The following NEK6 variants were observed in gnomAD, a reference collection of about 807,000 sequenced individuals.
NEK6 encodes NIMA related kinase 6.
A neutral mutation model predicts 43.5 loss-of-function variants in NEK6; 27 were observed. That is an observed-to-expected ratio of 0.62 (90% confidence interval 0.46 to 0.86). The LOEUF is 0.86. NEK6 is among the 40% of genes least tolerant of loss of function. The pLI, the probability that NEK6 is intolerant of heterozygous loss-of-function variation, is 0.00. For missense variants in NEK6, 318 were observed against 414.4 expected (o/e 0.77, Z 2.02); for synonymous variants, 167 against 164.1 (o/e 1.02, Z -0.14).
intron 1 of NEK6, among the ~76,000 whole-genome samples, chr9:124,294,724 G>A (rs958439500): frequency 2.0e-5 from 3 of 152,222 alleles, no homozygotes; most frequent in African/African-American, 4.8e-5. Context: ...GCAGGCTCGT[G>A]TCAGGTGGTC....
rs531845465 is a variant in NEK6, at chr9:124,291,916, G to T, written c.-29-10020G>T. ...GAGTTTCCTTTTGGCGGTGTCTGGG[G>T]ACCGGAGTCTTGGGAAGGGGAAGTC... On this transcript the variant is annotated intron_variant, in intron 1 of 9. Coordinates refer to ENST00000320246, the MANE Select transcript of NEK6 (RefSeq NM_014397.6). 4.4e-4 allele frequency: 431 copies of T among 985,710 alleles called. 1 individual carries two copies. In the African/African-American group the frequency reaches 7.2e-3, roughly 17 times the overall value. The allele number at this position is 985,710 out of a possible 1,614,324, so 61.1% of individuals were successfully genotyped here.
chr9:124,303,817 A>T (rs1833117893), intron 2 of NEK6, among the ~76,000 whole-genome samples: 1 of 152,236 alleles, frequency 6.6e-6, no homozygotes, highest in East Asian at 1.9e-4. Flanking sequence ...AATTTGTCAT[A>T]TTAAGTCATT....
At chr9:124,332,646 T>A (rs73666863) in intron 7 of NEK6, among the ~76,000 whole-genome samples, 2,808 of 152,310 alleles carry the variant, frequency 0.018, 75 homozygotes, top group African/African-American at 0.064. Context: ...GACACCAGCC[T>A]CCCCTTCCTG....
At chr9:124,273,260 C>T (rs560426465) in intron 1 of NEK6, among the ~76,000 whole-genome samples, 1 of 152,326 alleles carries the variant, frequency 6.6e-6, no homozygotes, top group South Asian at 2.1e-4. Flanking sequence ...TGTCTGCCAT[C>T]ATCCATGGTG....
chr9:124,296,047 T>A (rs114586232), intron 1 of NEK6, among the ~76,000 whole-genome samples: 3,281 of 152,358 alleles, frequency 0.022, 50 homozygotes, highest in South Asian at 0.079. Flanking sequence ...GCCAGTGCAG[T>A]GAGCTGTCCT....
At chr9:124,294,010 T>A (rs1832556839) in intron 1 of NEK6, among the ~76,000 whole-genome samples, 1 of 152,204 alleles carries the variant, frequency 6.6e-6, no homozygotes, top group Non-Finnish European at 1.5e-5. Context: ...TGTTCCTTTT[T>A]GTGGATGGGG....
At chr9:124,322,109 G>C (rs1425123531) in intron 5 of NEK6, among the ~76,000 whole-genome samples, 2 of 152,192 alleles carry the variant, frequency 1.3e-5, no homozygotes, top group Non-Finnish European at 2.9e-5. Context: ...CAGCATTGTG[G>C]GTACAGAGCC....
chr9:124,328,567 C>T (rs1422948905), intron 7 of NEK6, among the ~76,000 whole-genome samples: 3 of 152,210 alleles, frequency 2.0e-5, no homozygotes, highest in Non-Finnish European at 4.4e-5. Flanking sequence ...ATTTCCACCC[C>T]ACTCCATGGC....
intron 4 of NEK6, among the ~76,000 whole-genome samples, chr9:124,316,795 C>T (rs1001968191): frequency 6.6e-6 from 1 of 152,248 alleles, no homozygotes; most frequent in African/African-American, 2.4e-5. Flanking sequence ...ACCCCCTGCC[C>T]TCAGACGTGC....
intron 1 of NEK6, among the ~76,000 whole-genome samples, chr9:124,273,534 G>A (rs1831532284): frequency 6.6e-6 from 1 of 152,158 alleles, no homozygotes; most frequent in Non-Finnish European, 1.5e-5. Flanking sequence ...TCCTGGGACC[G>A]ACAGCCAGGG....
intron 1 of NEK6, among the ~76,000 whole-genome samples, chr9:124,263,936 G>A (rs953044258): frequency 2.6e-5 from 4 of 152,258 alleles, no homozygotes; most frequent in African/African-American, 7.2e-5. Context: ...CCTGAGAGCT[G>A]TGTCAGCCAC....
chr9:124,265,468 G>A (rs897097334), intron 1 of NEK6: 1 of 152,122 alleles, frequency 6.6e-6, no homozygotes, highest in African/African-American at 2.4e-5. Flanking sequence ...GTTGCAGTGA[G>A]CCGAGATGGC....
intron 7 of NEK6, among the ~76,000 whole-genome samples, chr9:124,336,273 T>A (rs538969742): frequency 6.6e-6 from 1 of 152,170 alleles, no homozygotes; most frequent in Admixed American, 6.5e-5. Context: ...AAAACAAGAA[T>A]ATAATCAAGT....
At chr9:124,349,204 T>C (rs1247410051) in intron 9 of NEK6, among the ~76,000 whole-genome samples, 1 of 152,248 alleles carries the variant, frequency 6.6e-6, no homozygotes. Flanking sequence ...ACCTGCACTT[T>C]TGGAGGAAGT....
chr9:124,327,849 GAGGCT>G (rs1438895954), intron 7 of NEK6, among the ~76,000 whole-genome samples: 2 of 152,188 alleles, frequency 1.3e-5, no homozygotes, highest in Non-Finnish European at 2.9e-5. Context: ...TGGCGGTTTT[GAGGCT>G]GTGGGGACCA....
At position 124,319,070 on chromosome 9, in the gene NEK6, C is replaced by T. The variant is rs188632777; in HGVS notation, c.295-2389C>T. On this transcript the variant is annotated intron_variant, in intron 4 of 9. Coordinates refer to ENST00000320246, the MANE Select transcript of NEK6 (RefSeq NM_014397.6). ...CACAATCTCAGCTCACTGCAACCTC[C>T]GCCTCCCAGGTTCAAGCGATTCTCC... is the stretch of plus-strand genomic sequence containing the variant. Among the ~76,000 whole-genome samples the T allele has an allele frequency of 4.6e-5, 7 of 152,274 alleles. No homozygotes were observed. In the East Asian group the frequency reaches 7.7e-4, roughly 17 times the overall value.
intron 9 of NEK6, 28 bp from the exon 10 acceptor site, chr9:124,350,809 G>A (rs375125975): frequency 4.1e-5 from 64 of 1,549,878 alleles, no homozygotes; most frequent in Non-Finnish European, 5.6e-5. Context: ...GCTTTCTTGA[G>A]AATAACACAC....
At chr9:124,321,659 C>A in intron 5 of NEK6, 90 bp downstream of exon 5, 1 of 882,886 alleles carries the variant, frequency 1.1e-6, no homozygotes, top group South Asian at 1.5e-5. Flanking sequence ...CCACAATGCT[C>A]TGCCTTTAGC....
At chr9:124,261,690 G>T (rs1037462955) in intron 1 of NEK6, 1 of 691,452 alleles carries the variant, frequency 1.4e-6, no homozygotes, top group East Asian at 1.3e-4. Context: ...TGAATGTTGT[G>T]TGTGAGGACC....
Sources: gnomAD v4.1 joint callset for allele counts (sites outside exome capture counted in the v4.1 genomes callset) on GRCh38, gnomAD v4.1.1 for gene constraint, MANE v1.5 for transcripts, NCBI Gene and HGNC (gene_info 2026-07-23, HGNC 2026-07-21) for gene names.